Variants in ZFP36L2 observed in about 807,000 individuals in gnomAD.
The protein encoded by ZFP36L2 is mRNA decay activator protein ZFP36L2.
Under a neutral mutation model 27.9 loss-of-function variants are expected in ZFP36L2, and 16 were observed. The ratio of observed to expected loss-of-function variants is 0.57; its 90% CI spans 0.39 to 0.87. ZFP36L2 has a LOEUF of 0.87. ZFP36L2 is among the 40% of genes least tolerant of loss of function. The pLI, the probability that ZFP36L2 is intolerant of heterozygous loss-of-function variation, is 0.00. For missense variants in ZFP36L2, 989 were observed against 726.9 expected, an observed-to-expected ratio of 1.36 and a Z score of -4.15; for synonymous variants, 600 against 363.8, an observed-to-expected ratio of 1.65 and a Z score of -7.39.
At position 43,225,582 on chromosome 2, in the gene ZFP36L2, G is replaced by C; in HGVS notation, c.222C>G (p.Cys74Trp). 1 of 1,560,906 alleles carries C rather than the reference G, an allele frequency of 6.4e-7. No homozygotes were observed. The highest frequency in any genetic ancestry group is 8.6e-7 in the Non-Finnish European group (1 of 1,159,118). Reference protein sequence around the residue: ...LAHPAPSPGSCSPKFPGAANG... With the variant: ...LAHPAPSPGSWSPKFPGAANG... ...TAGCGGCGCCCGGGAACTTGGGCGA[G>C]CAGCTGCCGGGGCTGGGCGCGGGGT... The change falls in exon 2 of 2, where the codon TGC (cysteine) becomes TGG (tryptophan). Residue 74 changes from cysteine (C) to tryptophan (W), a missense_variant. Cys to Trp is a radical substitution (Grantham distance 215). Transcript: ENST00000282388.
chr2:43,225,080 A>C lies in ZFP36L2; in HGVS notation c.724T>G (p.Leu242Val), dbSNP rs1348934151. 1 of 1,594,260 alleles carries C rather than the reference A, an allele frequency of 6.3e-7. No individual in the cohort carries two copies. Among genetic ancestry groups the C allele is most frequent in the Non-Finnish European group, 8.5e-7 (1 of 1,177,528 alleles). ...GGCTCCCGCGGGAAGCCCAGGTGCA[A>C]CGCATCGCGCGTGCCAAAGGCACGC... ...DLRAFGTRDALHLGFPREPRP... is the reference protein window; with the variant it reads ...DLRAFGTRDAVHLGFPREPRP... The change falls in exon 2 of 2, where the codon TTG becomes GTG. Residue 242 changes from leucine (L) to valine (V), a missense_variant. By Grantham distance (32) the Leu-to-Val change is conservative. Transcript: ENST00000282388.
rs1666989315 is a variant in ZFP36L2 at position 43,222,430 on chromosome 2, G to A, written c.*1889C>T. 1 of 152,292 alleles carries A rather than the reference G, an allele frequency of 6.6e-6. No homozygotes were observed. The highest frequency in any genetic ancestry group is 1.5e-5 in the Non-Finnish European group (1 of 68,038). The allele number at this position is 152,292 out of a possible 1,614,324, so 9.4% of individuals were successfully genotyped here. Reference sequence around the variant, plus strand: ...CTTTTTTTCCCAAAAATTTTATTGGGGGAAAACTACAAAACATTTACAGTA... The same window carrying A: ...CTTTTTTTCCCAAAAATTTTATTGGAGGAAAACTACAAAACATTTACAGTA... On this transcript the variant is annotated 3_prime_UTR_variant, in exon 2 of 2. Transcript: ENST00000282388.
rs772208081 is a variant in ZFP36L2, at chr2:43,224,819, C to T, written c.985G>A (p.Ala329Thr). 473 of 1,419,904 alleles carry T rather than the reference C, an allele frequency of 3.3e-4. No individual in the cohort carries two copies. Among genetic ancestry groups the T allele is most frequent in the Non-Finnish European group, 4.2e-4 (459 of 1,100,486 alleles). The allele number at this position is 1,419,904 out of a possible 1,614,324, so 88.0% of individuals were successfully genotyped here. The stretch of plus-strand genomic sequence containing the variant: ...GTGCCGTACAGCAGAGCGGCCGCAG[C>T]CGCGGCCGCCGCGGAGGCGCAGCAT... ...PTCCASAAAA[A>T]AAALLYGTGG... Residue 329 changes from alanine to threonine, a missense_variant, in exon 2 of 2, where the codon GCT becomes ACT. Physicochemically the swap from Ala to Thr is moderately conservative, Grantham distance 58. Coordinates refer to ENST00000282388, the MANE Select transcript of ZFP36L2 (RefSeq NM_006887.5).
In ZFP36L2 at chr2:43,224,168, T is replaced by TCGAGTC. The variant is rs1667029466; in HGVS notation, c.*145_*150dup. On this transcript the variant is annotated 3_prime_UTR_variant, in exon 2 of 2. Transcript: ENST00000282388. ...GTGGGGGCCCCTCCCGGCACAGAGT[T>TCGAGTC]CGAGTCCAAGTGCTCGGTCGGGCTT... is the stretch of plus-strand genomic sequence containing the variant. 1.4e-6 allele frequency: 1 copy of TCGAGTC among 692,730 alleles called. No individual in the cohort carries two copies. The highest frequency in any genetic ancestry group is 1.9e-5 in the African/African-American group (1 of 53,398). The allele number at this position is 692,730 out of a possible 1,614,324, so 42.9% of individuals were successfully genotyped here.
rs201963284 is a variant in ZFP36L2 at position 43,225,618 on chromosome 2, A to C, written c.186T>G (p.His62Gln). The part of the protein sequence containing the change: ...FLRRHSASNL[H>Q]ALAHPAPSPG... ...GGCTGGGCGCGGGGTGGGCGAGTGC[A>C]TGCAGGTTGCTGGCCGAGTGCCGTC... The change falls in exon 2 of 2, where the codon CAT becomes CAG. Residue 62 changes from histidine (H) to glutamine (Q), a missense_variant. By Grantham distance (24) the His-to-Gln change is conservative. Coordinates refer to ENST00000282388, the MANE Select transcript of ZFP36L2 (RefSeq NM_006887.5). The C allele has an allele frequency of 8.6e-4, 1,345 of 1,564,934 alleles. 14 individuals are homozygous for C. In the East Asian group the frequency reaches 0.019, roughly 22 times the overall value.
At position 43,226,446 on chromosome 2, in the gene ZFP36L2, G is replaced by T. The variant is rs1667107656; in HGVS notation, c.-131C>A. ...GGGAGGGGCCGAAAGTTTGCCGGGG[G>T]GCGAGAGGAGAGGGCGAGTGCAGCG... On this transcript the variant is annotated 5_prime_UTR_variant, in exon 1 of 2. Coordinates refer to ENST00000282388, the MANE Select transcript of ZFP36L2 (RefSeq NM_006887.5). The T allele has an allele frequency of 8.2e-7, 1 of 1,219,610 alleles. No homozygotes were observed. Among genetic ancestry groups the T allele is most frequent in the Non-Finnish European group, 1.2e-6 (1 of 855,810 alleles). 75.5% of individuals were successfully genotyped at this position (1,219,610 alleles called of 1,614,324 possible).
In ZFP36L2 at chr2:43,225,238, T is replaced by G. The variant is rs758876800; in HGVS notation, c.566A>C (p.His189Pro). 6.2e-7 allele frequency: 1 copy of G among 1,608,578 alleles called. No individual in the cohort carries two copies. Among genetic ancestry groups the G allele is most frequent in the Non-Finnish European group, 8.5e-7 (1 of 1,179,900 alleles). ...GCACAGCTCGGTCTTGTACTTCGGA[T>G]GGCGAGTCAGGCTGCGCAGCTCGTG... ...GFHELRSLTR[H>P]PKYKTELCRT... The change falls in exon 2 of 2, where the codon CAT becomes CCT. Residue 189 changes from histidine (H) to proline (P), a missense_variant. His to Pro is a moderately conservative substitution (Grantham distance 77). Transcript: ENST00000282388.
rs1012729098 is a variant in ZFP36L2, at chr2:43,222,761, CTTTAT to C, written c.*1553_*1557del. On this transcript the variant is annotated 3_prime_UTR_variant, in exon 2 of 2. Coordinates refer to ENST00000282388, the MANE Select transcript of ZFP36L2 (RefSeq NM_006887.5). Reference sequence around the variant, plus strand: ...TTTCAGCACTAAGGCGGTTGCTTCACTTTATATCTATATAAAAAAAGTGGTAAAAA... The same window carrying C: ...TTTCAGCACTAAGGCGGTTGCTTCACATCTATATAAAAAAAGTGGTAAAAA... The C allele has an allele frequency of 5.2e-5, 8 of 152,484 alleles. No individual in the cohort carries two copies. The highest frequency in any genetic ancestry group is 1.0e-4 in the Non-Finnish European group (7 of 68,026). The allele number at this position is 152,484 out of a possible 1,614,324, so 9.4% of individuals were successfully genotyped here.
chr2:43,225,747 C>A lies in ZFP36L2; in HGVS notation c.57G>T (p.Glu19Asp). ...FYDVDFLCKTEKSLANLNLNN... is the reference protein window; with the variant it reads ...FYDVDFLCKTDKSLANLNLNN... Reference sequence around the variant, plus strand: ...TCAGGTTGAGGTTGGCCAGGGATTTCTCTGTCTGCCAAAGGGAGGGGAGCG... The same window carrying A: ...TCAGGTTGAGGTTGGCCAGGGATTTATCTGTCTGCCAAAGGGAGGGGAGCG... Residue 19 changes from glutamate (E) to aspartate (D), a missense_variant, in exon 2 of 2, where the codon GAG becomes GAT. Transcript: ENST00000282388. 6.3e-7 allele frequency: 1 copy of A among 1,590,894 alleles called. No homozygotes were observed. Among genetic ancestry groups the A allele is most frequent in the Non-Finnish European group, 8.5e-7 (1 of 1,176,708 alleles).
rs764014759 is a variant in ZFP36L2, at chr2:43,224,373, G to A, written c.1431C>T (p.Leu477=). ...GSLSGSESPS[L]DPGRRLPIFS... is the part of the protein sequence containing the mutation. The stretch of plus-strand genomic sequence containing the variant: ...AGATTGGCAGGCGGCGGCCAGGGTC[G>A]AGGCTGGGAGACTCAGAGCCGCTGA... The change falls in exon 2 of 2, where the codon CTC becomes CTT. Residue 477 remains leucine (L), a synonymous_variant. Transcript: ENST00000282388. 5.1e-6 allele frequency: 8 copies of A among 1,562,002 alleles called. No individual in the cohort carries two copies. In the Admixed American group the frequency reaches 1.1e-4, roughly 21 times the overall value.
Position 43,223,398 on chromosome 2 carries a change from T to A in ZFP36L2, c.*921A>T, listed in dbSNP as rs1553341693. The A allele has an allele frequency of 2.0e-5, 3 of 152,236 alleles. No individual in the cohort carries two copies. The highest frequency in any genetic ancestry group is 4.4e-5 in the Non-Finnish European group (3 of 68,044). The allele number at this position is 152,236 out of a possible 1,614,324, so 9.4% of individuals were successfully genotyped here. ...ATAAAAGAATATATATCTATTGCTT[T>A]TCATCATACTTGATAAATACAGTAT... On this transcript the variant is annotated 3_prime_UTR_variant, in exon 2 of 2. Transcript: ENST00000282388.
rs769881803 is a variant in ZFP36L2, at chr2:43,224,753, C to A, written c.1051G>T (p.Ala351Ser). Residue 351 changes from alanine to serine, a missense_variant, in exon 2 of 2, where the codon GCG becomes TCG. Coordinates refer to ENST00000282388, the MANE Select transcript of ZFP36L2 (RefSeq NM_006887.5). ...EDLLAPGAPC[A>S]ACSSASCANN... ...GCGCACGAGGCCGACGAGCAGGCCG[C>A]GCACGGGGCCCCCGGCGCCAGCAGG... 10 of 1,503,150 alleles carry A rather than the reference C, an allele frequency of 6.7e-6. 1 individual carries two copies. In the East Asian group the frequency reaches 2.0e-4, roughly 30 times the overall value. The allele number at this position is 1,503,150 out of a possible 1,614,324, so 93.1% of individuals were successfully genotyped here.
rs770977733 is a variant in ZFP36L2, at chr2:43,225,246, C to A, written c.558G>T (p.Leu186=). ...CGGTCTTGTACTTCGGATGGCGAGT[C>A]AGGCTGCGCAGCTCGTGGAAGCCAT... The part of the protein sequence containing the change: ...FAHGFHELRS[L]TRHPKYKTEL... Residue 186 remains leucine (L), a synonymous_variant, in exon 2 of 2, where the codon CTG becomes CTT. Transcript: ENST00000282388. 3.7e-6 allele frequency: 6 copies of A among 1,609,514 alleles called. No individual in the cohort carries two copies. The Admixed American group carries it at 1.0e-4, about 27-fold the overall frequency.
chr2:43,226,491 T>G lies in ZFP36L2; in HGVS notation c.-176A>C, dbSNP rs897239292. On this transcript the variant is annotated 5_prime_UTR_variant, in exon 1 of 2. Transcript: ENST00000282388. ...GCAGCGGCGCGGGCCGGCGGGAGGG[T>G]CCGGCGGAGTGCGGCAGGGGGGAAG... 8 of 740,264 alleles carry G rather than the reference T, an allele frequency of 1.1e-5. No individual in the cohort carries two copies. Among genetic ancestry groups the G allele is most frequent in the South Asian group, 8.5e-5 (5 of 58,900 alleles). 45.9% of individuals were successfully genotyped at this position (740,264 alleles called of 1,614,324 possible).
Position 43,224,640 on chromosome 2 carries a change from G to A in ZFP36L2, c.1164C>T (p.Ala388=), listed in dbSNP as rs758830060. 15 of 1,500,186 alleles carry A rather than the reference G, an allele frequency of 1.0e-5. No homozygotes were observed. The highest frequency in any genetic ancestry group is 4.2e-5 in the Admixed American group (2 of 47,284). The allele number at this position is 1,500,186 out of a possible 1,614,324, so 92.9% of individuals were successfully genotyped here. Residue 388 remains alanine, a synonymous_variant, in exon 2 of 2, where the codon GCC becomes GCT. Coordinates refer to ENST00000282388, the MANE Select transcript of ZFP36L2 (RefSeq NM_006887.5). ...IQTHNFAAVA[A]AAYYRSQQQQ... ...GCTGCTGACTGCGGTAGTAGGCGGC[G>A]GCGGCCACGGCGGCAAAGTTGTGGG...
rs1667039338 is a variant in ZFP36L2 at position 43,224,555 on chromosome 2, G to A, written c.1249C>T (p.Leu417Phe). 10 of 1,381,230 alleles carry A rather than the reference G, an allele frequency of 7.2e-6. No individual in the cohort carries two copies. The East Asian group carries it at 9.2e-5, about 13-fold the overall frequency. 85.6% of individuals were successfully genotyped at this position (1,381,230 alleles called of 1,614,324 possible). ...AQPPAPPSAT[L>F]PAGAAAPPSP... Reference sequence around the variant, plus strand: ...GGAGGTGCGGCGGCCCCGGCGGGGAGGGTCGCGCTGGGCGGCGCCGGCGGC... The same window carrying A: ...GGAGGTGCGGCGGCCCCGGCGGGGAAGGTCGCGCTGGGCGGCGCCGGCGGC... The change falls in exon 2 of 2, where the codon CTC (leucine) becomes TTC (phenylalanine). Residue 417 changes from leucine (L) to phenylalanine (F), a missense_variant. Physicochemically the swap from Leu to Phe is conservative, Grantham distance 22. Coordinates refer to ENST00000282388, the MANE Select transcript of ZFP36L2 (RefSeq NM_006887.5).
At position 43,226,496 on chromosome 2, in the gene ZFP36L2, C is replaced by T. The variant is rs1056944380; in HGVS notation, c.-181G>A. On this transcript the variant is annotated 5_prime_UTR_variant, in exon 1 of 2. Transcript: ENST00000282388. The stretch of plus-strand genomic sequence containing the variant: ...GGCGCGGGCCGGCGGGAGGGTCCGG[C>T]GGAGTGCGGCAGGGGGGAAGGAGAG... 5.6e-6 allele frequency: 4 copies of T among 717,148 alleles called. No individual in the cohort carries two copies. Among genetic ancestry groups the T allele is most frequent in the Admixed American group, 2.7e-5 (1 of 36,572 alleles). The allele number at this position is 717,148 out of a possible 1,614,324, so 44.4% of individuals were successfully genotyped here. A position where few individuals can be genotyped will look rare whatever the true frequency, so the allele number is the denominator to read the frequency against.
rs1175965502 is a variant in ZFP36L2, at chr2:43,223,723, A to T, written c.*596T>A. 1 of 151,702 alleles carries T rather than the reference A, an allele frequency of 6.6e-6. No individual in the cohort carries two copies. The highest frequency in any genetic ancestry group is 6.6e-5 in the Admixed American group (1 of 15,178). 9.4% of individuals were successfully genotyped at this position (151,702 alleles called of 1,614,324 possible). On this transcript the variant is annotated 3_prime_UTR_variant, in exon 2 of 2. Transcript: ENST00000282388. ...TTCTGTTAAAAAACAAAAAACACCTATGGGCTGAGGGCTAACTATCAAGGC... is the reference window on the plus strand; with the variant it reads ...TTCTGTTAAAAAACAAAAAACACCTTTGGGCTGAGGGCTAACTATCAAGGC...
Position 43,223,159 on chromosome 2 carries a change from G to A in ZFP36L2, c.*1160C>T, listed in dbSNP as rs1316945544. The A allele has an allele frequency of 6.6e-6, 1 of 152,150 alleles. No homozygotes were observed. Among genetic ancestry groups the A allele is most frequent in the South Asian group, 2.1e-4 (1 of 4,826 alleles). The allele number at this position is 152,150 out of a possible 1,614,324, so 9.4% of individuals were successfully genotyped here. A position where few individuals can be genotyped will look rare whatever the true frequency, so the allele number is the denominator to read the frequency against. ...AAACTACTTCCACAGCATCAAGATCGATTTCTGTCAAGAAATCATGCAATC... is the reference window on the plus strand; with the variant it reads ...AAACTACTTCCACAGCATCAAGATCAATTTCTGTCAAGAAATCATGCAATC... On this transcript the variant is annotated 3_prime_UTR_variant, in exon 2 of 2. Coordinates refer to ENST00000282388, the MANE Select transcript of ZFP36L2 (RefSeq NM_006887.5).
Sources: allele counts gnomAD v4.1 joint callset, GRCh38; gene constraint gnomAD v4.1.1; transcripts MANE v1.5; gene names NCBI Gene and HGNC (gene_info 2026-07-23, HGNC 2026-07-21).